PCNT: variants seen among roughly 807,000 people sequenced by gnomAD.
PCNT encodes the protein pericentrin, also known as kendrin.
Under a neutral mutation model 380.4 loss-of-function variants are expected in PCNT, and 319 were observed. The ratio of observed to expected loss-of-function variants is 0.84; its 90% CI spans 0.77 to 0.92. PCNT has a LOEUF of 0.92. PCNT is among the 40% of genes least tolerant of loss of function. PCNT has a pLI of 0.00. For missense variants in PCNT, 4,400 were observed against 4,255.3 expected (o/e 1.03, Z -0.95); for synonymous variants, 1,845 against 1,735.2 (o/e 1.06, Z -1.57).
chr21:46,324,962 C>G, intron 1 of PCNT: 2 of 970,538 alleles, frequency 2.1e-6, no homozygotes, highest in Non-Finnish European at 2.4e-6. Flanking sequence ...CCCTTGGGCT[C>G]GCGTCCTGCC....
Position 46,445,394 on chromosome 21 carries a change from C to A in PCNT, c.*67C>A. The A allele has an allele frequency of 2.3e-6, 3 of 1,302,618 alleles. No homozygotes were observed. Among genetic ancestry groups the A allele is most frequent in the Non-Finnish European group, 3.3e-6 (3 of 895,576 alleles). The allele number at this position is 1,302,618 out of a possible 1,614,324, so 80.7% of individuals were successfully genotyped here. On this transcript the variant is annotated 3_prime_UTR_variant, in exon 47 of 47. Transcript: ENST00000359568. ...GAAAAGATTTGTTTTTCCCTTTTCC[C>A]AAGGAAGCTCGTGGGACAGCATGGG...
chr21:46,395,243 T>C (rs2086169048), intron 21 of PCNT, among the ~76,000 whole-genome samples: 1 of 152,258 alleles, frequency 6.6e-6, no homozygotes, highest in Non-Finnish European at 1.5e-5. Context: ...TTTTGGAAGC[T>C]GGTGAAATGT....
At chr21:46,393,067 T>G (rs997627309) in intron 21 of PCNT, among the ~76,000 whole-genome samples, 4 of 152,198 alleles carry the variant, frequency 2.6e-5, no homozygotes, top group African/African-American at 4.8e-5. Flanking sequence ...CTTGGCCAGC[T>G]GTGAAGTCCT....
intron 38 of PCNT, among the ~76,000 whole-genome samples, chr21:46,433,006 C>T (rs947598226): frequency 6.6e-6 from 1 of 151,862 alleles, no homozygotes; most frequent in African/African-American, 2.4e-5. Context: ...AATTTATTTA[C>T]TTATTTATTT....
At chr21:46,366,434 G>C in intron 14 of PCNT, 150 bp from the exon 15 acceptor site, 2 of 714,686 alleles carry the variant, frequency 2.8e-6, no homozygotes, top group East Asian at 2.6e-5. Context: ...TCTGGTGGTC[G>C]AGGGAAAAGT....
chr21:46,347,324 C>A, intron 5 of PCNT, 133 bp from the exon 6 acceptor site: 1 of 880,630 alleles, frequency 1.1e-6, no homozygotes, highest in Non-Finnish European at 1.9e-6. Flanking sequence ...AGCATCATCA[C>A]AGACACATCC....
chr21:46,342,917 T>A (rs1753219608), intron 3 of PCNT, among the ~76,000 whole-genome samples: 1 of 152,202 alleles, frequency 6.6e-6, no homozygotes, highest in African/African-American at 2.4e-5. Flanking sequence ...TTTTATTTTA[T>A]TTTTTGCAGC....
chr21:46,440,219 G>GACAA lies in PCNT; in HGVS notation c.9393+18_9393+19insCAAA. The GACAA allele has an allele frequency of 6.2e-7, 1 of 1,613,492 alleles. No homozygotes were observed. On this transcript the variant is annotated intron_variant, in intron 42 of 46. Coordinates refer to ENST00000359568, the MANE Select transcript of PCNT (RefSeq NM_006031.6). Reference sequence around the variant, plus strand: ...AATGTCAAGGTAGGAACGGTGCCACGAGTATAGAACTTTGGTGCTTTTTTA... The same window carrying GACAA: ...AATGTCAAGGTAGGAACGGTGCCACGACAAAGTATAGAACTTTGGTGCTTTTTTA...
At chr21:46,365,743 T>TG (rs2084900513) in intron 14 of PCNT, among the ~76,000 whole-genome samples, 1 of 141,664 alleles carries the variant, frequency 7.1e-6, no homozygotes, top group Non-Finnish European at 1.5e-5. Context: ...TTCACTGCCG[T>TG]GGGGTTCTAT....
intron 3 of PCNT, among the ~76,000 whole-genome samples, chr21:46,342,094 G>A (rs908496393): frequency 2.0e-5 from 3 of 151,352 alleles, no homozygotes; most frequent in East Asian, 3.9e-4. Flanking sequence ...GGCATGCACC[G>A]CCATGCCTGA....
intron 14 of PCNT, among the ~76,000 whole-genome samples, chr21:46,364,390 C>T (rs549493156): frequency 2.2e-4 from 34 of 152,338 alleles, no homozygotes; most frequent in Admixed American, 2.0e-3. Flanking sequence ...GGCAGGCTGG[C>T]AGCTGCCGCC....
At chr21:46,373,749 T>TTTTTG (rs374962143) in intron 15 of PCNT, among the ~76,000 whole-genome samples, 13 of 81,228 alleles carry the variant, frequency 1.6e-4, no homozygotes, top group Non-Finnish European at 2.3e-4. Context: ...TTTTTTTTTT[T>TTTTTG]GGGCGGAGTC....
intron 21 of PCNT, among the ~76,000 whole-genome samples, chr21:46,391,969 A>G (rs750035366): frequency 6.6e-6 from 1 of 152,234 alleles, no homozygotes; most frequent in Non-Finnish European, 1.5e-5. Flanking sequence ...GCGCTTCTCT[A>G]AAAGTTCCTT....
intron 27 of PCNT, among the ~76,000 whole-genome samples, chr21:46,404,343 T>A (rs990237237): frequency 6.7e-6 from 1 of 150,116 alleles, no homozygotes; most frequent in Non-Finnish European, 1.5e-5. Flanking sequence ...CAGTGGAATA[T>A]TTCCCTATTA....
intron 6 of PCNT, among the ~76,000 whole-genome samples, chr21:46,348,702 C>A (rs1490212123): frequency 6.6e-6 from 1 of 152,148 alleles, no homozygotes; most frequent in Non-Finnish European, 1.5e-5. Context: ...GCAGTCTTGA[C>A]CTCCTGGGCT....
chr21:46,356,572 G>A (rs756238503), intron 12 of PCNT, among the ~76,000 whole-genome samples: 1 of 152,252 alleles, frequency 6.6e-6, no homozygotes, highest in Non-Finnish European at 1.5e-5. Flanking sequence ...AGGCCCCTGA[G>A]CTCAGGCCCT....
intron 16 of PCNT, among the ~76,000 whole-genome samples, chr21:46,384,881 A>T (rs367572809): frequency 1.3e-5 from 2 of 152,066 alleles, no homozygotes; most frequent in East Asian, 3.9e-4. Flanking sequence ...TGTTGTGCAT[A>T]GTTCAGTGGT....
intron 15 of PCNT, among the ~76,000 whole-genome samples, chr21:46,375,820 C>T (rs1269802494): frequency 2.0e-5 from 3 of 152,256 alleles, no homozygotes; most frequent in Admixed American, 2.0e-4. Flanking sequence ...CCTCCTACGT[C>T]CTCTGCAGGT....
Position 46,324,240 on chromosome 21 carries a change from G to C in PCNT, c.12G>C (p.Glu4Asp), listed in dbSNP as rs1358065530. ...GGAGTCTGAGGGAGATGGAAGTTGA[G>C]CAAGAGCAGCGGCGCAGAAAGGTGG... MEV[E>D]QEQRRRKVEA... The change falls in exon 1 of 47, where the codon GAG (glutamate) becomes GAC (aspartate). Residue 4 changes from glutamate (E) to aspartate (D), a missense_variant. Physicochemically the swap from Glu to Asp is conservative, Grantham distance 45. Transcript: ENST00000359568. 6.2e-7 allele frequency: 1 copy of C among 1,612,074 alleles called. No homozygotes were observed. Among genetic ancestry groups the C allele is most frequent in the East Asian group, 2.2e-5 (1 of 44,828 alleles).
Sources: allele counts gnomAD v4.1 joint callset (sites outside exome capture counted in the v4.1 genomes callset), GRCh38; gene constraint gnomAD v4.1.1; transcripts MANE v1.5; gene names NCBI Gene and HGNC (gene_info 2026-07-23, HGNC 2026-07-21).